The following SLC4A10 variants were observed in gnomAD, a reference collection of about 807,000 sequenced individuals.
SLC4A10 encodes the protein sodium-driven chloride bicarbonate exchanger.
SLC4A10 carries 42 observed loss-of-function variants against 137.7 expected under a neutral mutation model. That is an observed-to-expected ratio of 0.30 (90% CI 0.24 to 0.39). The LOEUF is 0.39. SLC4A10 is among the 10% of genes least tolerant of loss of function. SLC4A10 has a pLI of 1.00. For synonymous variants in SLC4A10, 474 were observed against 464.1 expected (o/e 1.02, Z -0.27); for missense variants, 925 against 1,355.0 (o/e 0.68, Z 4.98).
intron 5 of SLC4A10, among the ~76,000 whole-genome samples, chr2:161,861,888 GAA>G (rs2060453367): frequency 6.6e-6 from 1 of 152,158 alleles, no homozygotes; most frequent in African/African-American, 2.4e-5. Context: ...CACACTGAAG[GAA>G]AACATTGTTG....
chr2:161,802,670 C>T (rs745483407), intron 2 of SLC4A10, among the ~76,000 whole-genome samples: 3 of 152,102 alleles, frequency 2.0e-5, no homozygotes, highest in Non-Finnish European at 2.9e-5. Context: ...TGTATTTTCT[C>T]ACAGTTCTGG....
At chr2:161,642,939 A>G (rs984059655) in intron 1 of SLC4A10, among the ~76,000 whole-genome samples, 1 of 151,958 alleles carries the variant, frequency 6.6e-6, no homozygotes, top group Non-Finnish European at 1.5e-5. Context: ...TCTTTTCTCC[A>G]GTTCAGGTTA....
chr2:161,897,603 A>G (rs762721659), intron 11 of SLC4A10, among the ~76,000 whole-genome samples: 22 of 152,130 alleles, frequency 1.4e-4, no homozygotes, highest in Non-Finnish European at 2.9e-4. Context: ...TCATTTCATA[A>G]TTATTAAAGA....
chr2:161,803,038 A>AT (rs897754600), intron 2 of SLC4A10, among the ~76,000 whole-genome samples: 4 of 151,852 alleles, frequency 2.6e-5, no homozygotes, highest in Non-Finnish European at 4.4e-5. Context: ...AGAAAGTAAG[A>AT]TTTTTTTTAA....
intron 8 of SLC4A10, among the ~76,000 whole-genome samples, chr2:161,874,341 A>G (rs992177582): frequency 1.3e-5 from 2 of 152,208 alleles, no homozygotes; most frequent in African/African-American, 2.4e-5. Context: ...CCTCCTTTCA[A>G]ATAAATTGTG....
intron 2 of SLC4A10, among the ~76,000 whole-genome samples, chr2:161,797,795 G>T (rs1020867241): frequency 9.9e-5 from 15 of 152,008 alleles, no homozygotes; most frequent in Non-Finnish European, 1.6e-4. Context: ...AAACTTGTAA[G>T]AAACAGTATT....
intron 15 of SLC4A10, among the ~76,000 whole-genome samples, chr2:161,924,430 A>G (rs1331794389): frequency 1.3e-5 from 2 of 152,138 alleles, no homozygotes; most frequent in African/African-American, 4.8e-5. Context: ...TTTAGATGTC[A>G]GAGGTGCAGA....
chr2:161,723,401 G>C (rs550437254), intron 1 of SLC4A10, among the ~76,000 whole-genome samples: 1 of 152,230 alleles, frequency 6.6e-6, no homozygotes, highest in Admixed American at 6.5e-5. Context: ...GGGGAGCCTG[G>C]ATACTTCAGT....
chr2:161,751,182 T>C (rs1408060829), intron 1 of SLC4A10, among the ~76,000 whole-genome samples: 1 of 151,802 alleles, frequency 6.6e-6, no homozygotes, highest in African/African-American at 2.4e-5. Context: ...GTTATTTGTT[T>C]GTTCGTTTTC....
intron 1 of SLC4A10, among the ~76,000 whole-genome samples, chr2:161,652,240 A>G (rs1324843108): frequency 6.6e-6 from 1 of 152,132 alleles, no homozygotes; most frequent in African/African-American, 2.4e-5. Flanking sequence ...TTTATCCCTT[A>G]TCTTCCATTT....
chr2:161,784,332 T>A (rs2053385762), intron 2 of SLC4A10, among the ~76,000 whole-genome samples: 1 of 151,796 alleles, frequency 6.6e-6, no homozygotes, highest in African/African-American at 2.4e-5. Context: ...TAAAACATAT[T>A]ATCCATTACC....
chr2:161,724,656 T>C (rs1574585680), intron 1 of SLC4A10, among the ~76,000 whole-genome samples: 1 of 152,326 alleles, frequency 6.6e-6, no homozygotes, highest in African/African-American at 2.4e-5. Flanking sequence ...TCTTAAATTC[T>C]ACTGTTTAGA....
At chr2:161,831,593 A>G (rs1487790771) in intron 3 of SLC4A10, among the ~76,000 whole-genome samples, 1 of 152,128 alleles carries the variant, frequency 6.6e-6, no homozygotes, top group Admixed American at 6.5e-5. Flanking sequence ...TTGCTGCCCT[A>G]TAGGAATAGT....
At chr2:161,733,851 T>A (rs1424433082) in intron 1 of SLC4A10, among the ~76,000 whole-genome samples, 1 of 152,200 alleles carries the variant, frequency 6.6e-6, no homozygotes, top group Non-Finnish European at 1.5e-5. Context: ...TGCATCAGCG[T>A]GACCTGGATG....
chr2:161,805,666 C>T (rs907959509), intron 3 of SLC4A10, among the ~76,000 whole-genome samples: 4 of 152,218 alleles, frequency 2.6e-5, no homozygotes, highest in Admixed American at 1.3e-4. Flanking sequence ...TCCTTTTACT[C>T]CATGTCTCAC....
At chr2:161,798,716 G>A (rs1450322561) in intron 2 of SLC4A10, among the ~76,000 whole-genome samples, 5 of 150,968 alleles carry the variant, frequency 3.3e-5, no homozygotes, top group African/African-American at 9.7e-5. Flanking sequence ...TTAAGTTAGA[G>A]AGAAAAAACC....
chr2:161,877,135 T>G (rs2061491684), intron 8 of SLC4A10, among the ~76,000 whole-genome samples: 1 of 152,142 alleles, frequency 6.6e-6, no homozygotes, highest in Non-Finnish European at 1.5e-5. Context: ...TAATTAAATT[T>G]CATCTTTAAA....
At chr2:161,935,910 T>C (rs1691499564) in intron 15 of SLC4A10, among the ~76,000 whole-genome samples, 1 of 152,160 alleles carries the variant, frequency 6.6e-6, no homozygotes, top group African/African-American at 2.4e-5. Flanking sequence ...GAATAAGATA[T>C]TAGCTGTGGG....
intron 1 of SLC4A10, among the ~76,000 whole-genome samples, chr2:161,729,512 G>GT (rs941384422): frequency 1.3e-5 from 2 of 151,680 alleles, no homozygotes; most frequent in Admixed American, 6.6e-5. Context: ...ATACACAAAA[G>GT]TTTTTTTTAA....
Sources: gnomAD v4.1 joint callset for allele counts (sites outside exome capture counted in the v4.1 genomes callset) on GRCh38, gnomAD v4.1.1 for gene constraint, MANE v1.5 for transcripts, NCBI Gene and HGNC (gene_info 2026-07-23, HGNC 2026-07-21) for gene names.